The following KTN1 variants were observed in gnomAD, a reference collection of about 807,000 sequenced individuals.
KTN1 encodes the protein kinectin 1, also known as kinectin.
In KTN1, 130 loss-of-function variants were observed where a neutral mutation model predicts 222.5. The observed-to-expected ratio is 0.58, with a 90% CI of 0.51 to 0.68. KTN1 has a LOEUF of 0.68. Ranked by LOEUF, KTN1 falls within the 30% of genes least tolerant of loss-of-function variation. KTN1 has a pLI of 0.00. For missense variants in KTN1, 1,508 were observed against 1,500.4 expected, an observed-to-expected ratio of 1.01 and a Z score of -0.08; for synonymous variants, 512 against 496.3, an observed-to-expected ratio of 1.03 and a Z score of -0.42.
At position 55,673,391 on chromosome 14, in the gene KTN1, A is replaced by G. The variant is rs17128672; in HGVS notation, c.3771+136A>G. ...TTTTTGTAAGTCTAAGATAATCTTC[A>G]TATTCCGATGATTCCTAAGATTATC... On this transcript the variant is annotated intron_variant, in intron 40 of 43. Transcript: ENST00000395314. The G allele has an allele frequency of 5.6e-3, 2,934 of 526,494 alleles. 66 individuals carry two copies. The highest frequency in any genetic ancestry group is 0.051 in the African/African-American group (2,616 of 51,566). 32.6% of individuals were successfully genotyped at this position (526,494 alleles called of 1,614,324 possible).
At chr14:55,589,658 T>TTC (rs1378125532) in intron 1 of KTN1, among the ~76,000 whole-genome samples, 8 of 117,542 alleles carry the variant, frequency 6.8e-5, no homozygotes, top group African/African-American at 2.1e-4. Context: ...TCTGATTTCT[T>TTC]TTTTTTTTTT....
intron 6 of KTN1, among the ~76,000 whole-genome samples, chr14:55,629,349 C>T (rs993005861): frequency 3.6e-5 from 5 of 137,204 alleles, no homozygotes; most frequent in East Asian, 4.6e-4. Context: ...ATCTGGGAGG[C>T]GGAGCTTGTA....
At chr14:55,632,352 A>G (rs1048937248) in intron 7 of KTN1, among the ~76,000 whole-genome samples, 2 of 151,264 alleles carry the variant, frequency 1.3e-5, no homozygotes, top group Admixed American at 6.6e-5. Flanking sequence ...AGAAATGTAT[A>G]CCTTAATTTC....
chr14:55,584,909 G>A (rs1356079632), intron 1 of KTN1, among the ~76,000 whole-genome samples: 1 of 152,252 alleles, frequency 6.6e-6, no homozygotes, highest in East Asian at 1.9e-4. Flanking sequence ...AAGGTGTGTG[G>A]ATTGCTTGAG....
At chr14:55,663,148 A>AC in intron 32 of KTN1, 1 of 322,062 alleles carries the variant, frequency 3.1e-6, no homozygotes. Context: ...ACTGCCAAGT[A>AC]CAGTGGTTGG....
chr14:55,682,614 T>C (rs2046466561), intron 43 of KTN1: 1 of 152,192 alleles, frequency 6.6e-6, no homozygotes, highest in African/African-American at 2.4e-5. Flanking sequence ...ACTCCTTTAA[T>C]CTTCACAACC....
chr14:55,618,153 A>T lies in KTN1; in HGVS notation c.832+19A>T. On this transcript the variant is annotated intron_variant, in intron 4 of 43. Coordinates refer to ENST00000395314, the MANE Select transcript of KTN1 (RefSeq NM_001079521.2). ...GACAAAGGTAATATATGGGATTTAT[A>T]GTCTTTGTTGTACTATAAAAACACA... is the stretch of plus-strand genomic sequence containing the variant. 6.3e-7 allele frequency: 1 copy of T among 1,588,122 alleles called. No homozygotes were observed. The highest frequency in any genetic ancestry group is 1.3e-5 in the African/African-American group (1 of 74,188).
chr14:55,657,838 C>T (rs934196338), intron 29 of KTN1, among the ~76,000 whole-genome samples: 6 of 151,916 alleles, frequency 3.9e-5, no homozygotes, highest in Admixed American at 6.6e-5. Flanking sequence ...CACTTGAACC[C>T]GGGAGGCAGA....
chr14:55,676,024 A>T, intron 41 of KTN1, 106 bp downstream of exon 41: 1 of 684,438 alleles, frequency 1.5e-6, no homozygotes, highest in Non-Finnish European at 2.5e-6. Flanking sequence ...TTGCATCATA[A>T]TATTAACCTT....
intron 18 of KTN1, among the ~76,000 whole-genome samples, chr14:55,646,471 T>C (rs1345562666): frequency 8.0e-5 from 3 of 37,710 alleles, no homozygotes; most frequent in Non-Finnish European, 1.6e-4. Context: ...TTTCCTTTCC[T>C]TTCCTTTCCT....
chr14:55,624,949 C>T (rs1051540606), intron 5 of KTN1, among the ~76,000 whole-genome samples: 9 of 152,106 alleles, frequency 5.9e-5, no homozygotes, highest in African/African-American at 2.2e-4. Flanking sequence ...AAAGTGACAG[C>T]GAGTGTCCGC....
At chr14:55,591,662 C>T (rs552114399) in intron 1 of KTN1, among the ~76,000 whole-genome samples, 1 of 140,822 alleles carries the variant, frequency 7.1e-6, no homozygotes, top group Non-Finnish European at 1.5e-5. Flanking sequence ...GATCTCTGCT[C>T]ACTGCAACCT....
intron 2 of KTN1, among the ~76,000 whole-genome samples, chr14:55,615,898 CTCTCT>C (rs1178200450): frequency 6.7e-6 from 1 of 149,058 alleles, no homozygotes; most frequent in African/African-American, 2.5e-5. Flanking sequence ...CTCTTTCTCT[CTCTCT>C]TTTCTTTCTT....
At chr14:55,598,335 A>G (rs1371683898) in intron 1 of KTN1, among the ~76,000 whole-genome samples, 5 of 151,556 alleles carry the variant, frequency 3.3e-5, no homozygotes, top group Non-Finnish European at 2.9e-5. Context: ...CTCTGGAGGC[A>G]GAGGCAGGAG....
intron 25 of KTN1, among the ~76,000 whole-genome samples, chr14:55,652,586 A>T (rs1193043121): frequency 6.6e-6 from 1 of 151,926 alleles, no homozygotes; most frequent in Non-Finnish European, 1.5e-5. Context: ...TTTTTAGTAG[A>T]GACGGGGTTT....
chr14:55,638,214 CA>C (rs751183338), intron 12 of KTN1, among the ~76,000 whole-genome samples: 1 of 151,772 alleles, frequency 6.6e-6, no homozygotes, highest in Admixed American at 6.6e-5. Flanking sequence ...AATATATCAG[CA>C]GGGGGAACAG....
chr14:55,614,954 G>A (rs1049246449), intron 2 of KTN1, among the ~76,000 whole-genome samples: 1 of 152,162 alleles, frequency 6.6e-6, no homozygotes, highest in Admixed American at 6.5e-5. Flanking sequence ...ATGCAGTAGG[G>A]TATGTAAATG....
At chr14:55,588,581 T>C (rs2033503702) in intron 1 of KTN1, among the ~76,000 whole-genome samples, 1 of 152,182 alleles carries the variant, frequency 6.6e-6, no homozygotes, top group Admixed American at 6.5e-5. Flanking sequence ...GAGTCATGGA[T>C]AGGAGTCAGG....
rs1266384221 is a variant in KTN1 at position 55,653,072 on chromosome 14, A to G, written c.2750A>G (p.His917Arg). ...GCACATGTTCAGGAAGTAGCACAAC[A>G]TAACTTGAAAGAGGTATAGTATAAA... The part of the protein sequence containing the change: ...LKAHVQEVAQ[H>R]NLKEASSASQ... The change falls in exon 27 of 44, where the codon CAT becomes CGT. Residue 917 changes from histidine (H) to arginine (R), a missense_variant. By Grantham distance (29) the His-to-Arg change is conservative. Coordinates refer to ENST00000395314, the MANE Select transcript of KTN1 (RefSeq NM_001079521.2). 11 of 1,592,860 alleles carry G rather than the reference A, an allele frequency of 6.9e-6. No individual in the cohort carries two copies. Among genetic ancestry groups the G allele is most frequent in the African/African-American group, 1.3e-5 (1 of 74,422 alleles).
Sources: allele counts gnomAD v4.1 joint callset (sites outside exome capture counted in the v4.1 genomes callset), GRCh38; gene constraint gnomAD v4.1.1; transcripts MANE v1.5; gene names NCBI Gene and HGNC (gene_info 2026-07-23, HGNC 2026-07-21).